FLNC: variants seen among roughly 807,000 people sequenced by gnomAD.
FLNC encodes the protein filamin-C.
FLNC carries 91 observed loss-of-function variants against 254.3 expected under a neutral mutation model. The ratio of observed to expected loss-of-function variants is 0.36; its 90% CI spans 0.30 to 0.43. The LOEUF (loss-of-function observed/expected upper bound fraction) is 0.43. Among genes scored for constraint, FLNC ranks in the 20% least tolerant of loss-of-function variants. The probability of loss-of-function intolerance (pLI) is 1.00; values close to 1 mark genes in which losing one functional copy is unlikely to be tolerated. For missense variants in FLNC, 2,853 were observed against 3,802.6 expected (o/e 0.75, Z 6.57); for synonymous variants, 1,430 against 1,577.2 (o/e 0.91, Z 2.21).
chr7:128,838,533 G>A, intron 7 of FLNC, 70 bp from the exon 8 acceptor site: 2 of 1,601,564 alleles, frequency 1.2e-6, no homozygotes, highest in Admixed American at 3.3e-5. Context: ...AGGGTGGGCA[G>A]CCTCAGGGTG....
At position 128,842,558 on chromosome 7, in the gene FLNC, T is replaced by C. The variant is rs1399907067; in HGVS notation, c.2266-17T>C. 6.5e-7 allele frequency: 1 copy of C among 1,548,570 alleles called. No individual in the cohort carries two copies. Among genetic ancestry groups the C allele is most frequent in the African/African-American group, 1.4e-5 (1 of 72,976 alleles). Reference sequence around the variant, plus strand: ...CTTGAGGGAGGGCACCACGCTGAGCTGCGACCCCTCCCGCAGGTGAACGTG... The same window carrying C: ...CTTGAGGGAGGGCACCACGCTGAGCCGCGACCCCTCCCGCAGGTGAACGTG... On this transcript the variant is annotated splice_polypyrimidine_tract_variant and intron_variant, in intron 14 of 47. Transcript: ENST00000325888. The surrounding 1 kb of genome is among the most constrained non-coding windows in gnomAD (Gnocchi z 5.4).
chr7:128,858,637 A>G lies in FLNC; in HGVS notation c.*114A>G, dbSNP rs1585173546. 4.8e-6 allele frequency: 4 copies of G among 826,022 alleles called. No homozygotes were observed. Among genetic ancestry groups the G allele is most frequent in the East Asian group, 5.3e-5 (2 of 37,836 alleles). 51.2% of individuals were successfully genotyped at this position (826,022 alleles called of 1,614,324 possible). ...CCAGACACGCACAGAATCAGACACT[A>G]CAAACACCTGCCTTGGGGGTGAAGT... On this transcript the variant is annotated 3_prime_UTR_variant, in exon 48 of 48. Transcript: ENST00000325888. This position sits in a 1 kb window ranked among gnomAD's most constrained non-coding sequence, Gnocchi z 6.7.
chr7:128,832,443 G>GACTGT, intron 1 of FLNC, among the ~76,000 whole-genome samples: 1 of 152,344 alleles, frequency 6.6e-6, no homozygotes, highest in South Asian at 2.1e-4. Flanking sequence ...AGGCAGGACT[G>GACTGT]ACTGTACCAG....
rs940373696 is a variant in FLNC, at chr7:128,837,264, G to T, written c.699+7G>T. 1 of 1,564,218 alleles carries T rather than the reference G, an allele frequency of 6.4e-7. No homozygotes were observed. The highest frequency in any genetic ancestry group is 1.4e-5 in the African/African-American group (1 of 73,936). ...CTGGCTTGGGGTGCCCCAGGTACAT[G>T]CGCAGATGGGGCAGGGGGGAAAGGG... On this transcript the variant is annotated splice_region_variant and intron_variant, in intron 3 of 47. Coordinates refer to ENST00000325888, the MANE Select transcript of FLNC (RefSeq NM_001458.5).
chr7:128,848,021 G>T lies in FLNC; in HGVS notation c.4533G>T (p.Gly1511=), dbSNP rs766022636. ...TCCACTACACCCCAGCCACTGACGG[G>T]CCCTACACGGTAGCCGTCAAGTATG... ...HTVHYTPATD[G]PYTVAVKYAD... Residue 1511 remains glycine, a synonymous_variant, in exon 26 of 48, where the codon GGG becomes GGT. Coordinates refer to ENST00000325888, the MANE Select transcript of FLNC (RefSeq NM_001458.5). 6.2e-7 allele frequency: 1 copy of T among 1,607,460 alleles called. No individual in the cohort carries two copies. The highest frequency in any genetic ancestry group is 1.7e-4 in the Middle Eastern group (1 of 6,044).
chr7:128,847,780 AG>A lies in FLNC; in HGVS notation c.4375del (p.Ala1459ProfsTer57). ...CSGPGLGAGV[R>X]ARVPQTFTVD... ...AGGGCCAGGGCTGGGGGCTGGTGTC[AG>A]GGCCCGGGTTCCTCAGACCTTCACA... On this transcript the variant is annotated frameshift_variant, in exon 25 of 48. Transcript: ENST00000325888. LOFTEE classifies it high-confidence loss of function. 6.2e-7 allele frequency: 1 copy of A among 1,613,770 alleles called. No individual in the cohort carries two copies. Among genetic ancestry groups the A allele is most frequent in the Non-Finnish European group, 8.5e-7 (1 of 1,179,766 alleles).
In FLNC at chr7:128,858,919, A is replaced by C; in HGVS notation, c.*396A>C. 1 of 267,676 alleles carries C rather than the reference A, an allele frequency of 3.7e-6. No homozygotes were observed. Among genetic ancestry groups the C allele is most frequent in the East Asian group, 8.5e-5 (1 of 11,760 alleles). 16.6% of individuals were successfully genotyped at this position (267,676 alleles called of 1,614,324 possible). ...ACCCTCAAACTGCACCGCCGGCCAG[A>C]TACCCTCCTGACCCCGAGGACTTGG... On this transcript the variant is annotated 3_prime_UTR_variant, in exon 48 of 48. Coordinates refer to ENST00000325888, the MANE Select transcript of FLNC (RefSeq NM_001458.5). The surrounding 1 kb of genome is among the most constrained non-coding windows in gnomAD (Gnocchi z 6.7).
In FLNC at chr7:128,848,551, GCTC is replaced by G; in HGVS notation, c.4581-6_4581-4del. ...ACCCAGCCAACTGTTTATCCCTTCT[GCTC>G]CTCAAGCCCCTTCAAGATCAAGGTC... On this transcript the variant is annotated splice_polypyrimidine_tract_variant and splice_region_variant and intron_variant, in intron 26 of 47. Transcript: ENST00000325888. 6.2e-7 allele frequency: 1 copy of G among 1,613,630 alleles called. No homozygotes were observed. Among genetic ancestry groups the G allele is most frequent in the Non-Finnish European group, 8.5e-7 (1 of 1,179,982 alleles).
At chr7:128,849,945 C>A in intron 30 of FLNC, 31 bp from the exon 31 acceptor site, 1 of 1,476,336 alleles carries the variant, frequency 6.8e-7, no homozygotes, top group Non-Finnish European at 9.3e-7. Context: ...GAGGCTGCCA[C>A]ACCCTGTGCC....
chr7:128,850,070 A>G lies in FLNC; in HGVS notation c.5294A>G (p.His1765Arg). 2 of 1,536,664 alleles carry G rather than the reference A, an allele frequency of 1.3e-6. No homozygotes were observed. Among genetic ancestry groups the G allele is most frequent in the South Asian group, 1.2e-5 (1 of 84,208 alleles). Residue 1765 changes from histidine (H) to arginine (R), a missense_variant, in exon 31 of 48, where the codon CAC (histidine) becomes CGC (arginine). Transcript: ENST00000325888. ...APPRPGARPT[H>R]WATEEPVVPV... ...CCCCGGCCCGGCGCCCGCCCCACACACTGGGTACTGCGCCTCCCACCAGGC... is the reference window on the plus strand; with the variant it reads ...CCCCGGCCCGGCGCCCGCCCCACACGCTGGGTACTGCGCCTCCCACCAGGC...
At position 128,838,079 on chromosome 7, in the gene FLNC, GC is replaced by G; in HGVS notation, c.1047+21del. Reference sequence around the variant, plus strand: ...GGTTACACAAGGTATCTCCCTCTAGGCCCCCCTGCCTGCGCTGCTCTTCACA... The same window carrying G: ...GGTTACACAAGGTATCTCCCTCTAGGCCCCCTGCCTGCGCTGCTCTTCACA... On this transcript the variant is annotated intron_variant, in intron 6 of 47. Transcript: ENST00000325888. 3.1e-6 allele frequency: 5 copies of G among 1,605,890 alleles called. No individual in the cohort carries two copies. The highest frequency in any genetic ancestry group is 1.3e-5 in the African/African-American group (1 of 74,714).
chr7:128,849,701 C>T (rs1289528294), intron 30 of FLNC, 123 bp downstream of exon 30: 21 of 1,288,572 alleles, frequency 1.6e-5, no homozygotes, highest in Non-Finnish European at 2.1e-5. Context: ...CTCCTGGGGC[C>T]AGAGTGCTCC....
At chr7:128,839,938 GT>G in intron 8 of FLNC, 84 bp from the exon 9 acceptor site, 3 of 1,553,124 alleles carry the variant, frequency 1.9e-6, no homozygotes, top group South Asian at 2.2e-5. Flanking sequence ...CCTGGGAGGG[GT>G]TAGAAGGACT....
At position 128,830,897 on chromosome 7, in the gene FLNC, A is replaced by G; in HGVS notation, c.260A>G (p.His87Arg). 1 of 1,613,084 alleles carries G rather than the reference A, an allele frequency of 6.2e-7. No individual in the cohort carries two copies. The highest frequency in any genetic ancestry group is 8.5e-7 in the Non-Finnish European group (1 of 1,179,914). The stretch of plus-strand genomic sequence containing the variant: ...CAGAAGCGCATGTACCGCAAGTTCC[A>G]TCCGCGCCCCAACTTCCGCCAAATG... ...LSQKRMYRKF[H>R]PRPNFRQMKL... The change falls in exon 1 of 48, where the codon CAT becomes CGT. Residue 87 changes from histidine to arginine, a missense_variant. Physicochemically the swap from His to Arg is conservative, Grantham distance 29 (BLOSUM62 0). This residue lies in a region of FLNC where 59 missense variants were observed against 59.8 expected (regional missense o/e 0.99). Coordinates refer to ENST00000325888, the MANE Select transcript of FLNC (RefSeq NM_001458.5).
Position 128,846,811 on chromosome 7 carries a change from G to A in FLNC, c.4194G>A (p.Lys1398=). The change falls in exon 24 of 48, where the codon AAG becomes AAA. Residue 1398 remains lysine (K), a synonymous_variant. Coordinates refer to ENST00000325888, the MANE Select transcript of FLNC (RefSeq NM_001458.5). The part of the protein sequence containing the change: ...EGPSEAKMSC[K]DNKDGSCTVE... Reference sequence around the variant, plus strand: ...CCTCGGAAGCCAAGATGTCCTGCAAGGACAACAAGGATGGTAGCTGCACCG... The same window carrying A: ...CCTCGGAAGCCAAGATGTCCTGCAAAGACAACAAGGATGGTAGCTGCACCG... 6.2e-7 allele frequency: 1 copy of A among 1,614,238 alleles called. No individual in the cohort carries two copies. Among genetic ancestry groups the A allele is most frequent in the Non-Finnish European group, 8.5e-7 (1 of 1,180,032 alleles).
intron 8 of FLNC, among the ~76,000 whole-genome samples, chr7:128,839,252 T>A (rs77443033): frequency 0.023 from 3,502 of 152,292 alleles, 125 homozygotes; most frequent in African/African-American, 0.071. Flanking sequence ...CCCCCCTTCC[T>A]TGGCATTCTG....
In FLNC at chr7:128,831,101, C is replaced by T. The variant is rs1807871989; in HGVS notation, c.352+112C>T. The T allele has an allele frequency of 1.0e-5, 10 of 978,742 alleles. No homozygotes were observed. The East Asian group carries it at 2.2e-4, about 21-fold the overall frequency. 60.6% of individuals were successfully genotyped at this position (978,742 alleles called of 1,614,324 possible). A position where few individuals can be genotyped will look rare whatever the true frequency, so the allele number is the denominator to read the frequency against. Reference sequence around the variant, plus strand: ...GAGCTGAGAGACAGGGCGGAGGGCACCCCCCGGTATAGAGAGAAGACCCTG... The same window carrying T: ...GAGCTGAGAGACAGGGCGGAGGGCATCCCCCGGTATAGAGAGAAGACCCTG... On this transcript the variant is annotated intron_variant, in intron 1 of 47. Coordinates refer to ENST00000325888, the MANE Select transcript of FLNC (RefSeq NM_001458.5).
In FLNC at chr7:128,845,124, T is replaced by C; in HGVS notation, c.3659T>C (p.Phe1220Ser). The change falls in exon 21 of 48, where the codon TTC becomes TCC. Residue 1220 changes from phenylalanine (F) to serine (S), a missense_variant. Physicochemically the swap from Phe to Ser is radical, Grantham distance 155. Transcript: ENST00000325888. ...TACCACATCACCTACAGCCCTGCCT[T>C]CCCTGGCACCTACACCATTACCATC... is the stretch of plus-strand genomic sequence containing the variant. ...GTYHITYSPA[F>S]PGTYTITIKY... 1 of 1,613,188 alleles carries C rather than the reference T, an allele frequency of 6.2e-7. No individual in the cohort carries two copies. Among genetic ancestry groups the C allele is most frequent in the Non-Finnish European group, 8.5e-7 (1 of 1,179,934 alleles).
Position 128,835,292 on chromosome 7 carries a change from G to GC in FLNC, c.353-30dup. The GC allele has an allele frequency of 6.2e-7, 1 of 1,611,464 alleles. No homozygotes were observed. Among genetic ancestry groups the GC allele is most frequent in the Non-Finnish European group, 8.5e-7 (1 of 1,179,804 alleles). On this transcript the variant is annotated intron_variant, in intron 1 of 47. Coordinates refer to ENST00000325888, the MANE Select transcript of FLNC (RefSeq NM_001458.5). This position sits in a 1 kb window ranked among gnomAD's most constrained non-coding sequence, Gnocchi z 5.3. Reference sequence around the variant, plus strand: ...GCTCTGGGGCAGTGGAGGGTGGGGCGCCCCTGAGCCCGTCTGTGCCCTCCC... The same window carrying GC: ...GCTCTGGGGCAGTGGAGGGTGGGGCGCCCCCTGAGCCCGTCTGTGCCCTCCC...
Sources: gnomAD v4.1 joint callset for allele counts (sites outside exome capture counted in the v4.1 genomes callset) on GRCh38, gnomAD v4.1.1 for gene constraint, gnomAD v4.1.1 regional missense constraint, Gnocchi (gnomAD v3.1) non-coding constraint, MANE v1.5 for transcripts, NCBI Gene and HGNC (gene_info 2026-07-23, HGNC 2026-07-21) for gene names.